Variants in RBFOX1 observed in about 807,000 individuals in gnomAD.
RBFOX1 encodes the protein RNA binding fox-1 homolog 1.
Under a neutral mutation model 57.7 loss-of-function variants are expected in RBFOX1, and 8 were observed. The observed-to-expected ratio is 0.14, with a 90% CI of 0.08 to 0.25. The LOEUF (loss-of-function observed/expected upper bound fraction) is 0.25, where lower values mean the gene tolerates loss of function less well. RBFOX1 is among the 10% of genes least tolerant of loss of function. The pLI, the probability that RBFOX1 is intolerant of heterozygous loss-of-function variation, is 1.00. For synonymous variants in RBFOX1, 326 were observed against 222.4 expected, an observed-to-expected ratio of 1.47 and a Z score of -4.15; for missense variants, 611 against 548.5, an observed-to-expected ratio of 1.11 and a Z score of -1.14.
chr16:6,520,501 G>A (rs1315562240), intron 2 of RBFOX1, among the ~76,000 whole-genome samples: 7 of 152,084 alleles, frequency 4.6e-5, no homozygotes, highest in Non-Finnish European at 7.4e-5. Context: ...ATCATAAAAT[G>A]AAATTATTCA....
chr16:6,175,986 G>T (rs2097003767), intron 1 of RBFOX1, among the ~76,000 whole-genome samples: 1 of 152,070 alleles, frequency 6.6e-6, no homozygotes, highest in Admixed American at 6.6e-5. Flanking sequence ...TTGGAGATGA[G>T]TCCTAGGTAT....
At chr16:6,917,486 C>T (rs1307817335) in intron 3 of RBFOX1, among the ~76,000 whole-genome samples, 2 of 152,210 alleles carry the variant, frequency 1.3e-5, no homozygotes, top group Non-Finnish European at 2.9e-5. Context: ...CTTCTTTAAA[C>T]CTGAAAGGAA....
intron 4 of RBFOX1, among the ~76,000 whole-genome samples, chr16:7,163,040 A>G (rs1347084507): frequency 6.6e-6 from 1 of 152,218 alleles, no homozygotes; most frequent in African/African-American, 2.4e-5. Flanking sequence ...GTCTAAGGTC[A>G]CAGAGCAGGT....
chr16:5,457,203 C>T (rs868813852), intron 1 of RBFOX1, among the ~76,000 whole-genome samples: 52 of 152,270 alleles, frequency 3.4e-4, no homozygotes, highest in African/African-American at 1.2e-3. Flanking sequence ...GTGACATGAT[C>T]TTGGCTCACT....
chr16:7,338,355 G>A (rs1398847954), intron 4 of RBFOX1, among the ~76,000 whole-genome samples: 3 of 152,082 alleles, frequency 2.0e-5, no homozygotes, highest in East Asian at 1.9e-4. Context: ...CCTCTCTGAC[G>A]TGGATAGCAA....
intron 9 of RBFOX1, among the ~76,000 whole-genome samples, chr16:7,599,340 G>T (rs1264424686): frequency 1.3e-5 from 2 of 152,224 alleles, no homozygotes; most frequent in Non-Finnish European, 2.9e-5. Flanking sequence ...CATGTGTGCT[G>T]AGTGAGAAAC....
intron 1 of RBFOX1, among the ~76,000 whole-genome samples, chr16:5,286,410 A>G (rs1250548021): frequency 6.6e-6 from 1 of 152,154 alleles, no homozygotes; most frequent in Non-Finnish European, 1.5e-5. Context: ...CAGGCCTCTC[A>G]GTAGTAAGTG....
At position 6,780,253 on chromosome 16, in the gene RBFOX1, TTA is replaced by T. The variant is rs1288865548; in HGVS notation, c.-16+125613_-16+125614del. Among the ~76,000 whole-genome samples the T allele has an allele frequency of 3.4e-4, 29 of 85,758 alleles. 2 individuals carry two copies. Among genetic ancestry groups the T allele is most frequent in the Admixed American group, 1.1e-3 (5 of 4,528 alleles). The allele number at this position is 85,758 out of a possible 152,430, so 56.3% of individuals were successfully genotyped here. On this transcript the variant is annotated intron_variant, in intron 3 of 15. Coordinates refer to ENST00000550418, the MANE Select transcript of RBFOX1 (RefSeq NM_018723.4). Reference sequence around the variant, plus strand: ...TATTTATATATATTTACATATATATTTATATATATATTTATACATATATATAT... The same window carrying T: ...TATTTATATATATTTACATATATATTTATATATATTTATACATATATATAT...
At chr16:7,126,541 G>C (rs1323972714) in intron 4 of RBFOX1, 5 of 218,430 alleles carry the variant, frequency 2.3e-5, no homozygotes, top group Non-Finnish European at 3.9e-5. Flanking sequence ...TAATGGCCTT[G>C]TCTTTGGGCA....
intron 4 of RBFOX1, chr16:7,510,028 T>G: frequency 2.5e-6 from 1 of 402,978 alleles, no homozygotes; most frequent in Non-Finnish European, 3.3e-6. Context: ...GCTGTGAAAC[T>G]GAGAGTAGGA....
chr16:6,878,165 A>C (rs17235202), intron 3 of RBFOX1, among the ~76,000 whole-genome samples: 40,459 of 152,004 alleles, frequency 0.27, 5,618 homozygotes, highest in African/African-American at 0.33. Flanking sequence ...CAATGTAAAT[A>C]CTTCCACTTC....
chr16:7,135,095 T>A (rs1461955329), intron 4 of RBFOX1, among the ~76,000 whole-genome samples: 2 of 152,226 alleles, frequency 1.3e-5, no homozygotes, highest in East Asian at 3.8e-4. Flanking sequence ...AAAACTGACT[T>A]ATCCTGAGGC....
At chr16:5,705,075 A>G (rs1349492571) in intron 3 of RBFOX1, among the ~76,000 whole-genome samples, 1 of 152,106 alleles carries the variant, frequency 6.6e-6, no homozygotes, top group African/African-American at 2.4e-5. Flanking sequence ...GTAACCACAC[A>G]TTGTATGTCA....
At chr16:5,710,328 T>C (rs977643064) in intron 3 of RBFOX1, among the ~76,000 whole-genome samples, 1 of 152,210 alleles carries the variant, frequency 6.6e-6, no homozygotes, top group African/African-American at 2.4e-5. Context: ...TTGCTTTCAC[T>C]GCGCTCTCTG....
intron 3 of RBFOX1, among the ~76,000 whole-genome samples, chr16:5,657,607 G>T (rs562444257): frequency 2.1e-5 from 2 of 94,150 alleles, no homozygotes; most frequent in African/African-American, 3.7e-5. Context: ...TTTCTCGCTC[G>T]CTTTCTTTCT....
At chr16:5,393,047 G>A (rs539823) in intron 1 of RBFOX1, among the ~76,000 whole-genome samples, 3,898 of 152,168 alleles carry the variant, frequency 0.026, 174 homozygotes, top group African/African-American at 0.089. Flanking sequence ...AAAGACCTCC[G>A]AGCATGGGAA....
intron 4 of RBFOX1, among the ~76,000 whole-genome samples, chr16:5,976,585 G>C (rs2060067406): frequency 6.6e-6 from 1 of 152,098 alleles, no homozygotes; most frequent in Non-Finnish European, 1.5e-5. Context: ...AACAGTATTT[G>C]AGGCCAGGCA....
At chr16:6,201,972 C>T (rs995193580) in intron 1 of RBFOX1, among the ~76,000 whole-genome samples, 13 of 152,130 alleles carry the variant, frequency 8.5e-5, no homozygotes, top group African/African-American at 2.9e-4. Flanking sequence ...CTCAGGTCCC[C>T]ATTGTGAACA....
At chr16:6,646,550 T>G (rs1160906278) in intron 2 of RBFOX1, among the ~76,000 whole-genome samples, 1 of 152,136 alleles carries the variant, frequency 6.6e-6, no homozygotes, top group East Asian at 1.9e-4. Flanking sequence ...GATTAACACC[T>G]GCCACTTCTG....
Sources: allele counts gnomAD v4.1 joint callset (sites outside exome capture counted in the v4.1 genomes callset), GRCh38; gene constraint gnomAD v4.1.1; transcripts MANE v1.5; gene names NCBI Gene and HGNC (gene_info 2026-07-23, HGNC 2026-07-21).